WDR88: variants seen among roughly 807,000 people sequenced by gnomAD.
WDR88 encodes the protein WD repeat-containing protein 88.
Under a neutral mutation model 46.8 loss-of-function variants are expected in WDR88, and 40 were observed. The observed-to-expected ratio is 0.86, with a 90% CI of 0.66 to 1.11. WDR88 has a LOEUF of 1.11. WDR88 is among the 50% of genes most tolerant of loss of function. WDR88 has a pLI of 0.00. For missense variants in WDR88, 562 were observed against 602.4 expected, an observed-to-expected ratio of 0.93 and a Z score of 0.70; for synonymous variants, 235 against 240.7, an observed-to-expected ratio of 0.98 and a Z score of 0.22.
In WDR88 at chr19:33,161,737, G is replaced by A. The variant is rs1177219573; in HGVS notation, c.1080+1241G>A. ...CCCAGCACTTTGGGAGGCTGAGGCT[G>A]GAGGATCATTGGAGGTCAGGAGTTC... On this transcript the variant is annotated intron_variant, in intron 8 of 10. Coordinates refer to ENST00000355868, the MANE Select transcript of WDR88 (RefSeq NM_173479.4). Among the ~76,000 whole-genome samples, 6 of 152,240 alleles carry A rather than the reference G, an allele frequency of 3.9e-5. No individual in the cohort carries two copies. The East Asian group carries it at 1.2e-3, about 30-fold the overall frequency.
In WDR88 at chr19:33,158,956, T is replaced by C. The variant is rs1973813848; in HGVS notation, c.998-1458T>C. ...CTCATGTGATCTGCCTGCCTCAGCC[T>C]CCCAAAGTGCTGGGATTACAGACGT... On this transcript the variant is annotated intron_variant, in intron 7 of 10. Transcript: ENST00000355868. 2.6e-5 allele frequency among the ~76,000 whole-genome samples: 4 copies of C among 152,262 alleles called. 1 individual carries two copies. Among genetic ancestry groups the C allele is most frequent in the Admixed American group, 2.6e-4 (4 of 15,286 alleles).
At chr19:33,144,257 T>G (rs113980155) in intron 2 of WDR88, among the ~76,000 whole-genome samples, 39,168 of 152,136 alleles carry the variant, frequency 0.26, 5,548 homozygotes, top group South Asian at 0.42. Context: ...TGGAATGAAG[T>G]GGCGCAATCT....
In WDR88 at chr19:33,132,377, C is replaced by T; in HGVS notation, c.208C>T (p.His70Tyr). 2 of 1,614,180 alleles carry T rather than the reference C, an allele frequency of 1.2e-6. No homozygotes were observed. Among genetic ancestry groups the T allele is most frequent in the South Asian group, 1.1e-5 (1 of 91,086 alleles). ...GGCCTTGGACAGGGAACCACCACCG[C>T]ATCTGTTGCCTGAGAAGCACCAGGT... ...PLALDREPPP[H>Y]LLPEKHQVPE... The change falls in exon 1 of 11, where the codon CAT becomes TAT. Residue 70 changes from histidine (H) to tyrosine (Y), a missense_variant. Coordinates refer to ENST00000355868, the MANE Select transcript of WDR88 (RefSeq NM_173479.4).
At chr19:33,145,882 T>C (rs1002794222) in intron 3 of WDR88, among the ~76,000 whole-genome samples, 7 of 152,144 alleles carry the variant, frequency 4.6e-5, no homozygotes, top group African/African-American at 1.7e-4. Flanking sequence ...AAACGTGCCA[T>C]GTAAGAAGAC....
At chr19:33,165,693 G>C (rs1973941528) in intron 9 of WDR88, among the ~76,000 whole-genome samples, 1 of 151,920 alleles carries the variant, frequency 6.6e-6, no homozygotes, top group Non-Finnish European at 1.5e-5. Context: ...AGGAGTCCGA[G>C]ACCAGCCTGG....
At chr19:33,162,231 C>T (rs576795789) in intron 8 of WDR88, among the ~76,000 whole-genome samples, 3 of 151,868 alleles carry the variant, frequency 2.0e-5, no homozygotes, top group Non-Finnish European at 4.4e-5. Context: ...ACGGGAGTCT[C>T]GCTCTGTCGC....
In WDR88 at chr19:33,148,925, G is replaced by A. The variant is rs375783858; in HGVS notation, c.679+15G>A. ...CGTCATCAAAGGTGAGGGTGTGCGGGCTCCCTGTATCTTCAGTCTGCCATA... is the reference window on the plus strand; with the variant it reads ...CGTCATCAAAGGTGAGGGTGTGCGGACTCCCTGTATCTTCAGTCTGCCATA... On this transcript the variant is annotated intron_variant, in intron 5 of 10. Transcript: ENST00000355868. 2.4e-4 allele frequency: 388 copies of A among 1,613,776 alleles called. 1 individual carries two copies. In the African/African-American group the frequency reaches 3.7e-3, roughly 15 times the overall value.
At chr19:33,143,644 CAAAAA>C (rs11330443) in intron 2 of WDR88, among the ~76,000 whole-genome samples, 1 of 117,142 alleles carries the variant, frequency 8.5e-6, no homozygotes, top group African/African-American at 2.9e-5. Context: ...GACCCTCTCT[CAAAAA>C]AAAAAAAAAA....
chr19:33,142,215 G>A (rs898318190), intron 2 of WDR88, among the ~76,000 whole-genome samples: 2 of 152,104 alleles, frequency 1.3e-5, no homozygotes, highest in Admixed American at 6.6e-5. Context: ...AGCAGGGGGG[G>A]ACGAAGATGG....
At chr19:33,169,775 T>A (rs1356801000) in intron 9 of WDR88, among the ~76,000 whole-genome samples, 1 of 152,064 alleles carries the variant, frequency 6.6e-6, no homozygotes, top group Non-Finnish European at 1.5e-5. Flanking sequence ...ACTAAATCTA[T>A]AAGCTTGCTT....
At chr19:33,149,135 C>G (rs373051880) in intron 5 of WDR88, among the ~76,000 whole-genome samples, 4 of 152,234 alleles carry the variant, frequency 2.6e-5, no homozygotes, top group South Asian at 4.1e-4. Context: ...GCCTGGGCAA[C>G]AGGGTGAAAC....
chr19:33,141,460 C>A (rs1159129312), intron 2 of WDR88, among the ~76,000 whole-genome samples: 1 of 152,072 alleles, frequency 6.6e-6, no homozygotes, highest in South Asian at 2.1e-4. Context: ...GAGCTCCTGG[C>A]CTCAAGCCGT....
chr19:33,174,796 C>T (rs1183072859), intron 10 of WDR88: 3 of 985,466 alleles, frequency 3.0e-6, no homozygotes, highest in Non-Finnish European at 3.6e-6. Flanking sequence ...CCACGCATGT[C>T]CTCAGGACCC....
intron 3 of WDR88, 105 bp downstream of exon 3, chr19:33,145,037 G>T: frequency 9.3e-7 from 1 of 1,078,732 alleles, no homozygotes. Context: ...AATAGATATG[G>T]GGTCTCACCA....
At chr19:33,162,172 A>G (rs1568369376) in intron 8 of WDR88, among the ~76,000 whole-genome samples, 1 of 152,078 alleles carries the variant, frequency 6.6e-6, no homozygotes, top group Non-Finnish European at 1.5e-5. Flanking sequence ...TGAGGCAGCA[A>G]TGGCAGCTAT....
intron 9 of WDR88, among the ~76,000 whole-genome samples, chr19:33,167,384 A>C (rs982618881): frequency 6.6e-6 from 1 of 152,160 alleles, no homozygotes; most frequent in East Asian, 1.9e-4. Flanking sequence ...TAATAAAAAA[A>C]CCCAGAAAGC....
intron 2 of WDR88, among the ~76,000 whole-genome samples, chr19:33,141,846 A>G (rs1973402121): frequency 6.6e-6 from 1 of 151,814 alleles, no homozygotes; most frequent in African/African-American, 2.4e-5. Flanking sequence ...ACGCCCGGCT[A>G]ATTTTTGTAT....
chr19:33,167,672 TCTTC>T lies in WDR88; in HGVS notation c.1149+3420_1149+3423del, dbSNP rs375384656. The stretch of plus-strand genomic sequence containing the variant: ...CCTCCCAACCTTCCTTCCTTCCTTC[TCTTC>T]CTTCCTTCCTTCTGTCCTTTCTTTC... On this transcript the variant is annotated intron_variant, in intron 9 of 10. Coordinates refer to ENST00000355868, the MANE Select transcript of WDR88 (RefSeq NM_173479.4). Among the ~76,000 whole-genome samples, 795 of 148,606 alleles carry T rather than the reference TCTTC, an allele frequency of 5.3e-3. 3 individuals are homozygous for T. Among genetic ancestry groups the T allele is most frequent in the African/African-American group, 0.018 (733 of 40,424 alleles).
At chr19:33,140,814 C>T (rs1020330043) in intron 2 of WDR88, among the ~76,000 whole-genome samples, 1 of 151,754 alleles carries the variant, frequency 6.6e-6, no homozygotes, top group African/African-American at 2.4e-5. Context: ...AAGACATATG[C>T]CAACATATTC....
Sources: gnomAD v4.1 joint callset for allele counts (sites outside exome capture counted in the v4.1 genomes callset) on GRCh38, gnomAD v4.1.1 for gene constraint, MANE v1.5 for transcripts, NCBI Gene and HGNC (gene_info 2026-07-23, HGNC 2026-07-21) for gene names.